M1AP: variants seen among roughly 807,000 people sequenced by gnomAD.
M1AP encodes the protein meiosis 1 associated protein, also known as meiosis 1 arrest protein.
In M1AP, 39 loss-of-function variants were observed where a neutral mutation model predicts 51.2. The ratio of observed to expected loss-of-function variants is 0.76; its 90% CI spans 0.59 to 1.00. The LOEUF (loss-of-function observed/expected upper bound fraction) is 1.00. Among genes scored for constraint, M1AP ranks in the 50% least tolerant of loss-of-function variants. The probability of loss-of-function intolerance (pLI) is 0.00; values close to 1 mark genes in which losing one functional copy is unlikely to be tolerated. For missense variants in M1AP, 545 were observed against 641.2 expected, an observed-to-expected ratio of 0.85 and a Z score of 1.62; for synonymous variants, 251 against 249.2, an observed-to-expected ratio of 1.01 and a Z score of -0.07.
chr2:74,586,707 A>T (rs2104611724), intron 4 of M1AP, among the ~76,000 whole-genome samples: 1 of 152,304 alleles, frequency 6.6e-6, no homozygotes, highest in East Asian at 1.9e-4. Context: ...TTGAGAATTA[A>T]AAGTTGTTAG....
At chr2:74,648,153 C>G (rs1183298089) in intron 1 of M1AP, 112 bp downstream of exon 1, 1 of 960,888 alleles carries the variant, frequency 1.0e-6, no homozygotes, top group Non-Finnish European at 1.2e-6. Context: ...GCCAGCGCAA[C>G]CAACACCTGC....
chr2:74,645,773 C>G (rs1210507694), intron 1 of M1AP, among the ~76,000 whole-genome samples: 1 of 152,102 alleles, frequency 6.6e-6, no homozygotes. Flanking sequence ...AGTTGCAGTA[C>G]CTCTGCTGCT....
chr2:74,580,936 T>C (rs1354692662), intron 5 of M1AP, among the ~76,000 whole-genome samples: 2 of 152,064 alleles, frequency 1.3e-5, no homozygotes, highest in African/African-American at 2.4e-5. Flanking sequence ...ATTAGACTGA[T>C]AGATGGGCCC....
chr2:74,594,751 C>G (rs932232325), intron 4 of M1AP, among the ~76,000 whole-genome samples: 1 of 152,004 alleles, frequency 6.6e-6, no homozygotes, highest in Non-Finnish European at 1.5e-5. Flanking sequence ...GTAGCACGAG[C>G]CTGTGGTCCC....
intron 4 of M1AP, among the ~76,000 whole-genome samples, chr2:74,597,305 C>A (rs1426278348): frequency 6.6e-6 from 1 of 152,122 alleles, no homozygotes; most frequent in Non-Finnish European, 1.5e-5. Flanking sequence ...GTAATAAATA[C>A]AACAGTGGTT....
intron 1 of M1AP, among the ~76,000 whole-genome samples, chr2:74,645,374 C>T (rs1367817430): frequency 1.3e-5 from 2 of 152,200 alleles, no homozygotes; most frequent in Non-Finnish European, 1.5e-5. Context: ...CCCACCAATT[C>T]TGGACACAGT....
intron 10 of M1AP, 28 bp from the exon 11 acceptor site, chr2:74,558,902 C>T (rs1677702599): frequency 6.4e-7 from 1 of 1,561,268 alleles, no homozygotes; most frequent in Non-Finnish European, 8.6e-7. Flanking sequence ...AGAGCCTTCT[C>T]TGAAGATCAG....
chr2:74,586,064 C>T (rs1679686329), intron 4 of M1AP, among the ~76,000 whole-genome samples: 1 of 152,194 alleles, frequency 6.6e-6, no homozygotes, highest in Non-Finnish European at 1.5e-5. Flanking sequence ...ACTATTTCCT[C>T]CTCATCACTA....
At position 74,640,310 on chromosome 2, in the gene M1AP, G is replaced by C. The variant is rs770070852; in HGVS notation, c.-35C>G. 3 of 1,611,850 alleles carry C rather than the reference G, an allele frequency of 1.9e-6. No individual in the cohort carries two copies. Among genetic ancestry groups the C allele is most frequent in the African/African-American group, 2.7e-5 (2 of 74,952 alleles). ...ACCAGAGGGGGAACTGTAGCCACCAGCTGGATATTCTTTACACCTATAGGG... is the reference window on the plus strand; with the variant it reads ...ACCAGAGGGGGAACTGTAGCCACCACCTGGATATTCTTTACACCTATAGGG... On this transcript the variant is annotated 5_prime_UTR_variant, in exon 2 of 11. Transcript: ENST00000421985.
At chr2:74,563,775 T>C (rs542129434) in intron 7 of M1AP, among the ~76,000 whole-genome samples, 2 of 152,230 alleles carry the variant, frequency 1.3e-5, no homozygotes, top group African/African-American at 4.8e-5. Flanking sequence ...CACTTTGCCA[T>C]GTGCCATGGT....
intron 2 of M1AP, among the ~76,000 whole-genome samples, chr2:74,621,217 G>A (rs1475775346): frequency 1.3e-5 from 2 of 152,024 alleles, no homozygotes; most frequent in African/African-American, 4.8e-5. Flanking sequence ...GGGAGGTGGA[G>A]GTTGCAGTGA....
In M1AP at chr2:74,582,690, G is replaced by C. The variant is rs553107084; in HGVS notation, c.596-843C>G. 9.2e-5 allele frequency among the ~76,000 whole-genome samples: 14 copies of C among 152,232 alleles called. No homozygotes were observed. The East Asian group carries it at 2.3e-3, about 25-fold the overall frequency. ...TTTTTACTCTTCATACTTCTATACT[G>C]TTTGAATTTTATTGGAGTTGTGCAT... On this transcript the variant is annotated intron_variant, in intron 4 of 10. Coordinates refer to ENST00000421985, the MANE Select transcript of M1AP (RefSeq NM_001321739.2).
intron 7 of M1AP, among the ~76,000 whole-genome samples, chr2:74,570,014 T>G (rs1160134842): frequency 6.6e-6 from 1 of 152,118 alleles, no homozygotes; most frequent in Non-Finnish European, 1.5e-5. Context: ...TTATGGGTTA[T>G]GAACTAGATC....
At chr2:74,628,676 G>A in intron 2 of M1AP, 1 of 696,156 alleles carries the variant, frequency 1.4e-6, no homozygotes, top group Non-Finnish European at 2.5e-6. Context: ...ACCAACATAG[G>A]CCAACCATTA....
intron 4 of M1AP, among the ~76,000 whole-genome samples, chr2:74,597,140 T>C (rs530821700): frequency 6.6e-6 from 1 of 152,264 alleles, no homozygotes; most frequent in Admixed American, 6.5e-5. Flanking sequence ...AAAGGAAAAA[T>C]TTTTTAAATT....
intron 7 of M1AP, among the ~76,000 whole-genome samples, chr2:74,563,620 A>C (rs1469517603): frequency 4.0e-5 from 6 of 151,636 alleles, no homozygotes; most frequent in Non-Finnish European, 5.9e-5. Context: ...AAAAAAAAAA[A>C]AAAAAAACAT....
intron 3 of M1AP, among the ~76,000 whole-genome samples, chr2:74,611,888 T>TTTG (rs1681376249): frequency 1.4e-5 from 1 of 69,304 alleles, no homozygotes; most frequent in Non-Finnish European, 2.9e-5. Flanking sequence ...AAGTGTTTTT[T>TTTG]TTTTTTTTTT....
At position 74,560,302 on chromosome 2, in the gene M1AP, G is replaced by T. The variant is rs1221083248; in HGVS notation, c.1282-11C>A. ...GCTGTCCAGCATGCTCTGAGGAAAAGAGAGGAGGGGCCTCACTAGGGAACT... is the reference window on the plus strand; with the variant it reads ...GCTGTCCAGCATGCTCTGAGGAAAATAGAGGAGGGGCCTCACTAGGGAACT... On this transcript the variant is annotated splice_polypyrimidine_tract_variant and intron_variant, in intron 8 of 10. Transcript: ENST00000421985. The T allele has an allele frequency of 6.3e-7, 1 of 1,579,920 alleles. No individual in the cohort carries two copies. The highest frequency in any genetic ancestry group is 8.6e-7 in the Non-Finnish European group (1 of 1,164,884).
chr2:74,560,410 G>T, intron 8 of M1AP, 119 bp from the exon 9 acceptor site: 1 of 1,056,686 alleles, frequency 9.5e-7, no homozygotes, highest in Non-Finnish European at 1.3e-6. Context: ...GGGCTGCCAT[G>T]AAGGCTGTGA....
Sources: gnomAD v4.1 joint callset for allele counts (sites outside exome capture counted in the v4.1 genomes callset) on GRCh38, gnomAD v4.1.1 for gene constraint, MANE v1.5 for transcripts, NCBI Gene and HGNC (gene_info 2026-07-23, HGNC 2026-07-21) for gene names.